ITGA11: variants seen among roughly 807,000 people sequenced by gnomAD.
ITGA11 encodes integrin subunit alpha 11, also known as integrin alpha-11.
ITGA11 carries 97 observed loss-of-function variants against 141.9 expected under a neutral mutation model. The observed-to-expected ratio is 0.68, with a 90% CI of 0.58 to 0.81. ITGA11 has a LOEUF of 0.81. Ranked by LOEUF, ITGA11 falls within the 30% of genes least tolerant of loss-of-function variation. The probability of loss-of-function intolerance (pLI) is 0.00; values close to 1 mark genes in which losing one functional copy is unlikely to be tolerated. For missense variants in ITGA11, 1,387 were observed against 1,559.2 expected (o/e 0.89, Z 1.86); for synonymous variants, 658 against 624.6 (o/e 1.05, Z -0.80).
Position 68,306,161 on chromosome 15 carries a change from G to A in ITGA11, c.3381+1187C>T, listed in dbSNP as rs1347609602. On this transcript the variant is annotated intron_variant, in intron 28 of 29. Transcript: ENST00000315757. ...GCCGAGATCCTGCCAACGCACTCTA[G>A]CCTGGGTGACAGAGCAAGACTCCGT... 2.7e-5 allele frequency among the ~76,000 whole-genome samples: 4 copies of A among 149,646 alleles called. No individual in the cohort carries two copies. The East Asian group carries it at 7.8e-4, about 29-fold the overall frequency.
chr15:68,302,828 C>T lies in ITGA11; in HGVS notation c.*231G>A. On this transcript the variant is annotated 3_prime_UTR_variant, in exon 30 of 30. Transcript: ENST00000315757. ...TGTGTGTAGGGGTGTCCCTTTAAATCCCTAGGGGTCTGTGTTAAAGGTGTC... is the reference window on the plus strand; with the variant it reads ...TGTGTGTAGGGGTGTCCCTTTAAATTCCTAGGGGTCTGTGTTAAAGGTGTC... The T allele has an allele frequency of 1.9e-6, 1 of 530,174 alleles. No homozygotes were observed. Among genetic ancestry groups the T allele is most frequent in the Non-Finnish European group, 3.3e-6 (1 of 300,676 alleles). The allele number at this position is 530,174 out of a possible 1,614,324, so 32.8% of individuals were successfully genotyped here. A position where few individuals can be genotyped will look rare whatever the true frequency, so the allele number is the denominator to read the frequency against.
At chr15:68,427,552 C>T (rs1897173482) in intron 1 of ITGA11, among the ~76,000 whole-genome samples, 1 of 152,128 alleles carries the variant, frequency 6.6e-6, no homozygotes. Flanking sequence ...TTTGGCCTCA[C>T]TGACTTTTTC....
rs547706150 is a variant in ITGA11 at position 68,308,949 on chromosome 15, T to C, written c.3175-1253A>G. Among the ~76,000 whole-genome samples, 179 of 152,308 alleles carry C rather than the reference T, an allele frequency of 1.2e-3. No individual in the cohort carries two copies. The highest frequency in any genetic ancestry group is 4.1e-3 in the African/African-American group (171 of 41,564). On this transcript the variant is annotated intron_variant, in intron 26 of 29. Transcript: ENST00000315757. The surrounding 1 kb of genome is among the most constrained non-coding windows in gnomAD (Gnocchi z 5.2). ...AGCTCAGTTGGCTTAGTTTACATCA[T>C]TCTGATTGAAAAATTAAAGTTGAGC...
chr15:68,412,792 C>T (rs1186873696), intron 1 of ITGA11, among the ~76,000 whole-genome samples: 2 of 149,420 alleles, frequency 1.3e-5, no homozygotes, highest in Non-Finnish European at 3.0e-5. Flanking sequence ...TCTCCTGCCT[C>T]AGTCTTCCAA....
intron 2 of ITGA11, among the ~76,000 whole-genome samples, chr15:68,378,694 T>TAA (rs1214947995): frequency 3.3e-5 from 5 of 152,148 alleles, no homozygotes; most frequent in African/African-American, 1.2e-4. Context: ...TCAATACTAA[T>TAA]AAATAAAAGG....
chr15:68,312,974 C>G (rs1382260953), intron 23 of ITGA11, 111 bp from the exon 24 acceptor site: 1 of 713,374 alleles, frequency 1.4e-6, no homozygotes, highest in African/African-American at 1.7e-5. Context: ...CCACGAAAAA[C>G]AGGTTCCCGC....
intron 22 of ITGA11, 62 bp downstream of exon 22, chr15:68,315,589 A>G: frequency 7.2e-7 from 1 of 1,384,434 alleles, no homozygotes; most frequent in Non-Finnish European, 1.0e-6. Context: ...AGTTGCTAGC[A>G]GCCAGAGAGC....
In ITGA11 at chr15:68,432,094, T is replaced by G. The variant is rs1045396018; in HGVS notation, c.-28A>C. 7.3e-7 allele frequency: 1 copy of G among 1,360,586 alleles called. No individual in the cohort carries two copies. The allele number at this position is 1,360,586 out of a possible 1,614,324, so 84.3% of individuals were successfully genotyped here. A position where few individuals can be genotyped will look rare whatever the true frequency, so the allele number is the denominator to read the frequency against. The stretch of plus-strand genomic sequence containing the variant: ...CCCGCGGCACGGCGGCTGGGTCCGG[T>G]GTGCAGCGGCGGCGGGGGGCGGCAA... On this transcript the variant is annotated 5_prime_UTR_variant, in exon 1 of 30. Coordinates refer to ENST00000315757, the MANE Select transcript of ITGA11 (RefSeq NM_001004439.2).
At chr15:68,386,630 G>A (rs997838430) in intron 2 of ITGA11, among the ~76,000 whole-genome samples, 2 of 152,120 alleles carry the variant, frequency 1.3e-5, no homozygotes, top group African/African-American at 4.8e-5. Flanking sequence ...CGAGGCTCCG[G>A]TCAGTTCTGC....
chr15:68,392,733 T>C (rs981165475), intron 2 of ITGA11, among the ~76,000 whole-genome samples: 3 of 152,170 alleles, frequency 2.0e-5, no homozygotes, highest in Non-Finnish European at 4.4e-5. Context: ...GAGACCTTAA[T>C]GAATACTCTG....
At chr15:68,340,883 C>T (rs1263388864) in intron 10 of ITGA11, 1 of 152,380 alleles carries the variant, frequency 6.6e-6, no homozygotes, top group East Asian at 1.9e-4. Flanking sequence ...GTGGTGGAAA[C>T]AGGGAAGGGC....
At position 68,350,802 on chromosome 15, in the gene ITGA11, G is replaced by A. The variant is rs1894884668; in HGVS notation, c.895-20C>T. ...CAGGACCTGCCAGGGAACAGGGGCAGGAACCACAAACCAGAACATAGCACA... is the reference window on the plus strand; with the variant it reads ...CAGGACCTGCCAGGGAACAGGGGCAAGAACCACAAACCAGAACATAGCACA... On this transcript the variant is annotated intron_variant, in intron 8 of 29. Coordinates refer to ENST00000315757, the MANE Select transcript of ITGA11 (RefSeq NM_001004439.2). 5 of 1,604,354 alleles carry A rather than the reference G, an allele frequency of 3.1e-6. No homozygotes were observed. The highest frequency in any genetic ancestry group is 4.3e-6 in the Non-Finnish European group (5 of 1,174,974).
In ITGA11 at chr15:68,380,539, G is replaced by C. The variant is rs1162615829; in HGVS notation, c.165-11255C>G. 2.6e-5 allele frequency among the ~76,000 whole-genome samples: 4 copies of C among 152,304 alleles called. No homozygotes were observed. In the East Asian group the frequency reaches 5.8e-4, roughly 22 times the overall value. On this transcript the variant is annotated intron_variant, in intron 2 of 29. Coordinates refer to ENST00000315757, the MANE Select transcript of ITGA11 (RefSeq NM_001004439.2). ...TTAGTGTGGAGAACATGCCGCAAGA[G>C]GGGTCTCCAGGTGTGGCAGGGCACA...
At chr15:68,314,475 T>G (rs1893503190) in intron 22 of ITGA11, among the ~76,000 whole-genome samples, 1 of 152,138 alleles carries the variant, frequency 6.6e-6, no homozygotes. Flanking sequence ...GACATAAAAA[T>G]GTACAGTTCT....
At position 68,358,588 on chromosome 15, in the gene ITGA11, G is replaced by A. The variant is rs750810486; in HGVS notation, c.473-3C>T. 2 of 1,609,170 alleles carry A rather than the reference G, an allele frequency of 1.2e-6. No individual in the cohort carries two copies. Among genetic ancestry groups the A allele is most frequent in the Non-Finnish European group, 1.7e-6 (2 of 1,178,162 alleles). ...GATGTCCATGTAGGTCTGGCACCCT[G>A]GAAAGTGGGGACACAGTTATGGCTA... On this transcript the variant is annotated splice_polypyrimidine_tract_variant and splice_region_variant and intron_variant, in intron 5 of 29. Transcript: ENST00000315757.
chr15:68,366,963 T>C (rs1228646341), intron 3 of ITGA11, among the ~76,000 whole-genome samples: 1 of 152,158 alleles, frequency 6.6e-6, no homozygotes, highest in East Asian at 1.9e-4. Context: ...GCCCAGTGCC[T>C]GGAACGGCCG....
At chr15:68,386,700 C>CT in intron 2 of ITGA11, among the ~76,000 whole-genome samples, 1 of 152,344 alleles carries the variant, frequency 6.6e-6, no homozygotes, top group East Asian at 1.9e-4. Context: ...CCCCTTTCTC[C>CT]TTTTTCTCCT....
chr15:68,361,281 A>G (rs957106459), intron 5 of ITGA11, among the ~76,000 whole-genome samples: 3 of 152,172 alleles, frequency 2.0e-5, no homozygotes, highest in Admixed American at 6.5e-5. Flanking sequence ...TGTCTGCTGC[A>G]TGTGCTTGCC....
At chr15:68,377,826 C>A (rs887815859) in intron 2 of ITGA11, among the ~76,000 whole-genome samples, 3 of 152,304 alleles carry the variant, frequency 2.0e-5, no homozygotes, top group East Asian at 1.9e-4. Flanking sequence ...CCACTCCAAC[C>A]CTTCTCTAGC....
Sources: allele counts gnomAD v4.1 joint callset (sites outside exome capture counted in the v4.1 genomes callset), GRCh38; gene constraint gnomAD v4.1.1; non-coding constraint Gnocchi (gnomAD v3.1); transcripts MANE v1.5; gene names NCBI Gene and HGNC (gene_info 2026-07-23, HGNC 2026-07-21).